MOK: variants seen among roughly 807,000 people sequenced by gnomAD.
MOK encodes the protein MOK protein kinase.
Under a neutral mutation model 54.2 loss-of-function variants are expected in MOK, and 59 were observed. That is an observed-to-expected ratio of 1.09 (90% CI 0.88 to 1.35). The LOEUF is 1.35. MOK is among the 40% of genes most tolerant of loss of function. The pLI is 0.00. For synonymous variants in MOK, 210 were observed against 202.7 expected (o/e 1.04, Z -0.31); for missense variants, 517 against 526.2 (o/e 0.98, Z 0.17).
rs1225354482 is a variant in MOK at position 102,249,613 on chromosome 14, G to T, written c.590+1199C>A. Among the ~76,000 whole-genome samples, 2 of 152,214 alleles carry T rather than the reference G, an allele frequency of 1.3e-5. No homozygotes were observed. Among genetic ancestry groups the T allele is most frequent in the African/African-American group, 4.8e-5 (2 of 41,462 alleles). ...AATCCCAGCTACTTGGGGGGCTGAG[G>T]CAGGAGAATCGCTAGAACCCGGGAG... On this transcript the variant is annotated intron_variant, in intron 7 of 11. Coordinates refer to ENST00000361847, the MANE Select transcript of MOK (RefSeq NM_014226.3). The surrounding 1 kb of genome is among the most constrained non-coding windows in gnomAD (Gnocchi z 5.3).
At chr14:102,226,873 G>T (rs376806926), downstream of MOK, among the ~76,000 whole-genome samples, 1 of 152,112 alleles carries the variant, frequency 6.6e-6, no homozygotes, top group African/African-American at 2.4e-5. This position sits in a 1 kb window ranked among gnomAD's most constrained non-coding sequence, Gnocchi z 4.8. Context: ...CTGGTCCCCT[G>T]CTCACCTCCA....
intron 1 of MOK, among the ~76,000 whole-genome samples, chr14:102,297,975 C>G (rs549386841): frequency 2.0e-5 from 3 of 152,234 alleles, no homozygotes; most frequent in African/African-American, 7.2e-5. Context: ...TCCCAACCCC[C>G]GCTGTGGGCT....
At chr14:102,265,951 T>A (rs751323027) in intron 2 of MOK, 39 bp from the exon 3 acceptor site, 8 of 1,412,818 alleles carry the variant, frequency 5.7e-6, no homozygotes, top group Non-Finnish European at 4.0e-6. Flanking sequence ...ATTCACAGTT[T>A]AGGTCAACTT....
At chr14:102,227,256 C>T (rs1398117030), downstream of MOK, among the ~76,000 whole-genome samples, 1 of 152,140 alleles carries the variant, frequency 6.6e-6, no homozygotes, top group Non-Finnish European at 1.5e-5. Context: ...TGAAGCCAGG[C>T]CGGGGGACAG....
chr14:102,250,269 C>T (rs1379477514), intron 7 of MOK, among the ~76,000 whole-genome samples: 3 of 152,150 alleles, frequency 2.0e-5, no homozygotes, highest in Admixed American at 1.3e-4. Context: ...CCCCTGTGCG[C>T]GTCTTCAACT....
intron 4 of MOK, among the ~76,000 whole-genome samples, chr14:102,253,861 G>T (rs1459480531): frequency 6.6e-6 from 1 of 152,152 alleles, no homozygotes; most frequent in Admixed American, 6.5e-5. Flanking sequence ...TATACCATTT[G>T]ACACTTTTGG....
chr14:102,229,189 G>A lies in MOK; in HGVS notation c.*100C>T. Reference sequence around the variant, plus strand: ...CGGCCAGCGCGAAACGGACGCAGGCGCATCCCCAGCCCTCCGTGGCGTCTC... The same window carrying A: ...CGGCCAGCGCGAAACGGACGCAGGCACATCCCCAGCCCTCCGTGGCGTCTC... On this transcript the variant is annotated 3_prime_UTR_variant, in exon 12 of 12. Transcript: ENST00000361847. 4 of 1,274,628 alleles carry A rather than the reference G, an allele frequency of 3.1e-6. No individual in the cohort carries two copies. Among genetic ancestry groups the A allele is most frequent in the South Asian group, 1.5e-5 (1 of 68,376 alleles). The allele number at this position is 1,274,628 out of a possible 1,614,324, so 79.0% of individuals were successfully genotyped here.
At chr14:102,303,363 T>C (rs887082342) in intron 1 of MOK, among the ~76,000 whole-genome samples, 1 of 152,078 alleles carries the variant, frequency 6.6e-6, no homozygotes, top group Non-Finnish European at 1.5e-5. Context: ...CAAATCCAAA[T>C]TGAGCGATAT....
intron 2 of MOK, among the ~76,000 whole-genome samples, chr14:102,272,111 T>A (rs553350708): frequency 6.6e-6 from 1 of 152,244 alleles, no homozygotes; most frequent in South Asian, 2.1e-4. Context: ...GCTTAAGCCA[T>A]CCTCCCACCT....
At chr14:102,288,580 G>A (rs2070398364) in intron 1 of MOK, among the ~76,000 whole-genome samples, 1 of 152,172 alleles carries the variant, frequency 6.6e-6, no homozygotes, top group Non-Finnish European at 1.5e-5. Context: ...TGGGGTACAG[G>A]TTTCTTTTGG....
Position 102,229,507 on chromosome 14 carries a change from C to T in MOK, c.1132G>A (p.Gly378Arg), listed in dbSNP as rs1286770698. ...LQSVLGSGTN[G>R]RVPVLRPLKC... ...AAGGGTCTCAGCACCGGCACTCTTC[C>T]ATTTGTTCCAGATCCAAGCACGGAC... Residue 378 changes from glycine (G) to arginine (R), a missense_variant, in exon 11 of 12, where the codon GGA (glycine) becomes AGA (arginine). Physicochemically the swap from Gly to Arg is moderately radical, Grantham distance 125. Coordinates refer to ENST00000361847, the MANE Select transcript of MOK (RefSeq NM_014226.3). 2.5e-6 allele frequency: 4 copies of T among 1,614,182 alleles called. No individual in the cohort carries two copies.
intron 2 of MOK, among the ~76,000 whole-genome samples, chr14:102,279,822 A>AT (rs1237209620): frequency 1.3e-5 from 2 of 151,928 alleles, no homozygotes; most frequent in Admixed American, 6.6e-5. Context: ...CATTATGTGT[A>AT]TTTTTTTACC....
At chr14:102,277,138 C>G (rs564413723) in intron 2 of MOK, among the ~76,000 whole-genome samples, 7 of 151,572 alleles carry the variant, frequency 4.6e-5, no homozygotes, top group Admixed American at 4.6e-4. Flanking sequence ...GCAATCCTCA[C>G]GCCTCAGCCT....
At chr14:102,281,672 T>C (rs1177895573) in intron 2 of MOK, among the ~76,000 whole-genome samples, 1 of 151,974 alleles carries the variant, frequency 6.6e-6, no homozygotes, top group Non-Finnish European at 1.5e-5. Flanking sequence ...CTTGAACTCC[T>C]GTGCTCTAGC....
intron 2 of MOK, among the ~76,000 whole-genome samples, chr14:102,271,722 C>T (rs959977330): frequency 2.0e-5 from 3 of 152,070 alleles, no homozygotes; most frequent in African/African-American, 7.2e-5. Flanking sequence ...CCACGCCCAC[C>T]TAATTTTTGT....
chr14:102,292,474 AAAAACAAAAC>A (rs538860615), intron 1 of MOK, among the ~76,000 whole-genome samples: 5 of 152,044 alleles, frequency 3.3e-5, no homozygotes, highest in South Asian at 2.1e-4. Context: ...CTCCATCTCA[AAAAACAAAAC>A]AAAACAAAAC....
chr14:102,252,077 T>G (rs2066575854), intron 4 of MOK, 82 bp from the exon 5 acceptor site: 1 of 855,884 alleles, frequency 1.2e-6, no homozygotes, highest in African/African-American at 1.7e-5. Context: ...CTATTTTTAT[T>G]TAACAATGTG....
At chr14:102,270,387 G>A (rs967774780) in intron 2 of MOK, among the ~76,000 whole-genome samples, 5 of 152,150 alleles carry the variant, frequency 3.3e-5, no homozygotes, top group Non-Finnish European at 7.4e-5. Flanking sequence ...GGATCACGAG[G>A]TCAGGAGTTC....
rs2066362865 is a variant in MOK at position 102,249,512 on chromosome 14, C to A, written c.590+1300G>T. Among the ~76,000 whole-genome samples, 2 of 152,170 alleles carry A rather than the reference C, an allele frequency of 1.3e-5. No individual in the cohort carries two copies. ...ATTACCTGAAGTCAGGAGTTCAAGA[C>A]CAGCCTGACCAACATGGAGAAACCC... On this transcript the variant is annotated intron_variant, in intron 7 of 11. Coordinates refer to ENST00000361847, the MANE Select transcript of MOK (RefSeq NM_014226.3). This position sits in a 1 kb window ranked among gnomAD's most constrained non-coding sequence, Gnocchi z 5.3.
Sources: allele counts gnomAD v4.1 joint callset (sites outside exome capture counted in the v4.1 genomes callset), GRCh38; gene constraint gnomAD v4.1.1; non-coding constraint Gnocchi (gnomAD v3.1); transcripts MANE v1.5; gene names NCBI Gene and HGNC (gene_info 2026-07-23, HGNC 2026-07-21).